Variants in SLC38A2 observed in about 807,000 individuals in gnomAD.
The protein encoded by SLC38A2 is solute carrier family 38 member 2.
In SLC38A2, 11 loss-of-function variants were observed where a neutral mutation model predicts 61.5. That is an observed-to-expected ratio of 0.18 (90% CI 0.11 to 0.30). The LOEUF is 0.30. SLC38A2 is among the 10% of genes least tolerant of loss of function. SLC38A2 has a pLI of 1.00. For synonymous variants in SLC38A2, 217 were observed against 212.5 expected (o/e 1.02, Z -0.18); for missense variants, 522 against 600.4 (o/e 0.87, Z 1.36).
At chr12:46,371,065 G>C (rs1943191598) in intron 2 of SLC38A2, 113 bp downstream of exon 2, 2 of 982,272 alleles carry the variant, frequency 2.0e-6, no homozygotes, top group Non-Finnish European at 3.3e-6. Flanking sequence ...CAGAGATTAC[G>C]CACCTTCTCT....
intron 4 of SLC38A2, among the ~76,000 whole-genome samples, chr12:46,368,004 GGT>G (rs1206929605): frequency 6.6e-6 from 1 of 152,080 alleles, no homozygotes; most frequent in Non-Finnish European, 1.5e-5. Flanking sequence ...CAGCTGTGGT[GGT>G]GTACACCTAT....
rs947534057 is a variant in SLC38A2 at position 46,370,703 on chromosome 12, T to A, written c.198+73A>T. ...AAAACCAGCTTTGGGCAAGTTAGAT[T>A]TGAATTCTAAAAGTAAAACTATTCT... On this transcript the variant is annotated intron_variant, in intron 3 of 15. Coordinates refer to ENST00000256689, the MANE Select transcript of SLC38A2 (RefSeq NM_018976.5). 4.5e-6 allele frequency: 7 copies of A among 1,545,500 alleles called. No individual in the cohort carries two copies. In the Admixed American group the frequency reaches 1.0e-4, roughly 23 times the overall value.
intron 1 of SLC38A2, chr12:46,371,727 A>C (rs1200908113): frequency 9.7e-6 from 2 of 206,538 alleles, no homozygotes; most frequent in South Asian, 1.4e-4. Flanking sequence ...CACTCAGGGC[A>C]CACATCCAGC....
intron 1 of SLC38A2, 162 bp from the exon 2 acceptor site, chr12:46,371,541 C>G: frequency 2.1e-6 from 1 of 480,388 alleles, no homozygotes; most frequent in Non-Finnish European, 3.7e-6. Context: ...CGGAAAAGTA[C>G]AGACGGCGGA....
chr12:46,362,814 A>AGGC, intron 13 of SLC38A2, 176 bp from the exon 14 acceptor site: 1 of 931,620 alleles, frequency 1.1e-6, no homozygotes, highest in Non-Finnish European at 1.5e-6. Context: ...CTGAACACTT[A>AGGC]AAGATCATTT....
rs1019831555 is a variant in SLC38A2 at position 46,371,006 on chromosome 12, T to C, written c.117-149A>G. On this transcript the variant is annotated intron_variant, in intron 2 of 15. Coordinates refer to ENST00000256689, the MANE Select transcript of SLC38A2 (RefSeq NM_018976.5). ...GTATAAATATTAACTAGGAGTTGACTTTCACACCAGCTATCTTGTCATTAC... is the reference window on the plus strand; with the variant it reads ...GTATAAATATTAACTAGGAGTTGACCTTCACACCAGCTATCTTGTCATTAC... 3.1e-5 allele frequency: 26 copies of C among 832,838 alleles called. No homozygotes were observed. The South Asian group carries it at 3.2e-4, about 10-fold the overall frequency. 51.6% of individuals were successfully genotyped at this position (832,838 alleles called of 1,614,324 possible).
chr12:46,365,056 C>T, intron 8 of SLC38A2, 51 bp downstream of exon 8: 2 of 1,460,488 alleles, frequency 1.4e-6, no homozygotes, highest in Admixed American at 1.8e-5. Context: ...GAAAGCCCAA[C>T]TAACTGGTGA....
rs759171797 is a variant in SLC38A2, at chr12:46,363,109, G to T, written c.1091C>A (p.Ser364Tyr). ...AAGAAGAATATCAGTTCCCAAGATAGAAGAGTAGGTATGAAGCAATTCTGA... is the reference window on the plus strand; with the variant it reads ...AAGAAGAATATCAGTTCCCAAGATATAAGAGTAGGTATGAAGCAATTCTGA... ...VESELLHTYSSILGTDILLLI... is the reference protein window; with the variant it reads ...VESELLHTYSYILGTDILLLI... The change falls in exon 13 of 16, where the codon TCT becomes TAT. Residue 364 changes from serine (S) to tyrosine (Y), a missense_variant. Coordinates refer to ENST00000256689, the MANE Select transcript of SLC38A2 (RefSeq NM_018976.5). 4.3e-6 allele frequency: 7 copies of T among 1,613,000 alleles called. No homozygotes were observed. The East Asian group carries it at 6.7e-5, about 15-fold the overall frequency.
At chr12:46,361,317 TA>T in intron 15 of SLC38A2, 108 bp from the exon 16 acceptor site, 1 of 853,296 alleles carries the variant, frequency 1.2e-6, no homozygotes, top group East Asian at 2.7e-5. Context: ...ATCCACTATA[TA>T]ATCTATAGAA....
rs1349789275 is a variant in SLC38A2 at position 46,359,552 on chromosome 12, A to T, written c.*1559T>A. 6.6e-6 allele frequency: 1 copy of T among 152,658 alleles called. No homozygotes were observed. The highest frequency in any genetic ancestry group is 1.5e-5 in the Non-Finnish European group (1 of 68,034). 9.5% of individuals were successfully genotyped at this position (152,658 alleles called of 1,614,324 possible). A position where few individuals can be genotyped will look rare whatever the true frequency, so the allele number is the denominator to read the frequency against. Reference sequence around the variant, plus strand: ...CTTACAGCCAGATGACCAATTGACAATTCCATTATTTGCTTCCTTCAACCA... The same window carrying T: ...CTTACAGCCAGATGACCAATTGACATTTCCATTATTTGCTTCCTTCAACCA... On this transcript the variant is annotated 3_prime_UTR_variant, in exon 16 of 16. Transcript: ENST00000256689.
chr12:46,369,803 C>G (rs1943175507), intron 4 of SLC38A2, among the ~76,000 whole-genome samples: 1 of 152,162 alleles, frequency 6.6e-6, no homozygotes, highest in African/African-American at 2.4e-5. Flanking sequence ...TTCTGTACCT[C>G]CAAGAGTCTA....
At chr12:46,371,454 A>G (rs1943198847) in intron 1 of SLC38A2, 75 bp from the exon 2 acceptor site, 1 of 611,402 alleles carries the variant, frequency 1.6e-6, no homozygotes, top group South Asian at 1.9e-5. Context: ...CCGGAGGCGC[A>G]GCGCGGCTGA....
chr12:46,371,443 C>T (rs1943198527), intron 1 of SLC38A2, 64 bp from the exon 2 acceptor site: 1 of 644,354 alleles, frequency 1.6e-6, no homozygotes, highest in Non-Finnish European at 2.7e-6. Context: ...CGTGACGCCG[C>T]CCGGAGGCGC....
chr12:46,368,926 G>A (rs1445771980), intron 4 of SLC38A2, among the ~76,000 whole-genome samples: 6 of 152,172 alleles, frequency 3.9e-5, no homozygotes, highest in East Asian at 3.8e-4. Flanking sequence ...GAAGTGCACC[G>A]TGGCAGCCAT....
At chr12:46,367,849 C>T (rs889906685) in intron 4 of SLC38A2, among the ~76,000 whole-genome samples, 41 of 152,122 alleles carry the variant, frequency 2.7e-4, no homozygotes, top group African/African-American at 9.7e-4. Flanking sequence ...ACAGGAATGA[C>T]AGGCCAGGTG....
In SLC38A2 at chr12:46,367,283, C is replaced by A; in HGVS notation, c.372G>T (p.Lys124Asn). 6.2e-7 allele frequency: 1 copy of A among 1,600,592 alleles called. No individual in the cohort carries two copies. Among genetic ancestry groups the A allele is most frequent in the Non-Finnish European group, 8.6e-7 (1 of 1,168,030 alleles). ...FSLYSVHLLL[K>N]TANEGGSLLY... The stretch of plus-strand genomic sequence containing the variant: ...CTATCATACCTCCTTCATTGGCAGT[C>A]TTCAAAAGGAGATGAACAGAATACA... Residue 124 changes from lysine to asparagine, a missense_variant, in exon 5 of 16, where the codon AAG becomes AAT. Physicochemically the swap from Lys to Asn is moderately conservative, Grantham distance 94. Around this residue, in one of 3 missense-constraint regions of SLC38A2, gnomAD observed 111 missense variants for 173.4 expected, o/e 0.64. Coordinates refer to ENST00000256689, the MANE Select transcript of SLC38A2 (RefSeq NM_018976.5).
In SLC38A2 at chr12:46,372,773, T is replaced by C. The variant is rs1315358293; in HGVS notation, c.-351A>G. 35 of 398,146 alleles carry C rather than the reference T, an allele frequency of 8.8e-5. No individual in the cohort carries two copies. The East Asian group carries it at 1.1e-3, about 13-fold the overall frequency. 24.7% of individuals were successfully genotyped at this position (398,146 alleles called of 1,614,324 possible). ...CTAAGGCGGCGGCGTCGCGCGGCTG[T>C]GGAGCAGCCCTGCGAGCGGCGGGTT... is the stretch of plus-strand genomic sequence containing the variant. On this transcript the variant is annotated 5_prime_UTR_variant, in exon 1 of 16. Transcript: ENST00000256689.
Position 46,363,163 on chromosome 12 carries a change from A to G in SLC38A2, c.1055-18T>C. On this transcript the variant is annotated intron_variant, in intron 12 of 15. Transcript: ENST00000256689. ...AACATGTTCTACAGGGAAAGACCAA[A>G]AAAACTTTGATTGGCTGTTTTCATT... 2 of 1,607,500 alleles carry G rather than the reference A, an allele frequency of 1.2e-6. No homozygotes were observed. The highest frequency in any genetic ancestry group is 1.7e-6 in the Non-Finnish European group (2 of 1,176,534).
rs1454943615 is a variant in SLC38A2, at chr12:46,358,906, G to A, written c.*2205C>T. 6.6e-6 allele frequency: 1 copy of A among 152,546 alleles called. No homozygotes were observed. Among genetic ancestry groups the A allele is most frequent in the African/African-American group, 2.4e-5 (1 of 41,422 alleles). The allele number at this position is 152,546 out of a possible 1,614,324, so 9.4% of individuals were successfully genotyped here. A position where few individuals can be genotyped will look rare whatever the true frequency, so the allele number is the denominator to read the frequency against. ...GACTGCTCATTAATGGGAATTCATT[G>A]TTCAGGAACCTCAAGGTAGACAAGA... On this transcript the variant is annotated 3_prime_UTR_variant, in exon 16 of 16. Transcript: ENST00000256689.
Sources: gnomAD v4.1 joint callset for allele counts (sites outside exome capture counted in the v4.1 genomes callset) on GRCh38, gnomAD v4.1.1 for gene constraint, gnomAD v4.1.1 regional missense constraint, MANE v1.5 for transcripts, NCBI Gene and HGNC (gene_info 2026-07-23, HGNC 2026-07-21) for gene names.